The following CEMIP variants were observed in gnomAD, a reference collection of about 807,000 sequenced individuals.
CEMIP encodes the protein cell migration-inducing and hyaluronan-binding protein.
Under a neutral mutation model 156.9 loss-of-function variants are expected in CEMIP, and 105 were observed. The ratio of observed to expected loss-of-function variants is 0.67; its 90% CI spans 0.57 to 0.79. CEMIP has a LOEUF of 0.79. Ranked by LOEUF, CEMIP falls within the 30% of genes least tolerant of loss-of-function variation. CEMIP has a pLI of 0.00. For missense variants in CEMIP, 1,457 were observed against 1,769.4 expected, an observed-to-expected ratio of 0.82 and a Z score of 3.17; for synonymous variants, 676 against 668.4, an observed-to-expected ratio of 1.01 and a Z score of -0.17.
At chr15:80,941,273 G>A (rs942481762) in intron 25 of CEMIP, among the ~76,000 whole-genome samples, 14 of 152,134 alleles carry the variant, frequency 9.2e-5, no homozygotes, top group Non-Finnish European at 1.6e-4. Context: ...TGAATCCCAA[G>A]TTAGTACTGT....
At chr15:80,853,266 A>G (rs1235596941) in intron 1 of CEMIP, among the ~76,000 whole-genome samples, 1 of 152,166 alleles carries the variant, frequency 6.6e-6, no homozygotes, top group East Asian at 1.9e-4. Flanking sequence ...AAGGGGGGAA[A>G]AGCATGGGGT....
At chr15:80,917,641 G>A (rs970065498) in intron 14 of CEMIP, among the ~76,000 whole-genome samples, 3 of 152,188 alleles carry the variant, frequency 2.0e-5, no homozygotes, top group African/African-American at 7.2e-5. Flanking sequence ...TAAAGATGAA[G>A]GGAAGGATGT....
rs954415834 is a variant in CEMIP at position 80,951,128 on chromosome 15, C to G, written c.*2204C>G. 6.6e-6 allele frequency: 1 copy of G among 152,670 alleles called. No homozygotes were observed. Among genetic ancestry groups the G allele is most frequent in the Non-Finnish European group, 1.5e-5 (1 of 68,060 alleles). The allele number at this position is 152,670 out of a possible 1,614,324, so 9.5% of individuals were successfully genotyped here. ...AGGAGAGTTAAAATGACCTCATGTC[C>G]TTCTTGTCCACGGTTTTGTTGAGTT... On this transcript the variant is annotated 3_prime_UTR_variant, in exon 30 of 30. Transcript: ENST00000394685.
At chr15:80,846,942 T>C (rs1265816458) in intron 1 of CEMIP, among the ~76,000 whole-genome samples, 2 of 152,320 alleles carry the variant, frequency 1.3e-5, no homozygotes, top group East Asian at 3.9e-4. Flanking sequence ...AAGTCCAGGG[T>C]TCCATCCCAG....
intron 10 of CEMIP, 128 bp from the exon 11 acceptor site, chr15:80,894,862 C>T (rs1899158364): frequency 9.0e-7 from 1 of 1,112,766 alleles, no homozygotes; most frequent in East Asian, 2.4e-5. Flanking sequence ...TCATCTCGGG[C>T]CGTTGTAAAT....
At chr15:80,855,596 C>T (rs2141751102) in intron 1 of CEMIP, among the ~76,000 whole-genome samples, 1 of 152,088 alleles carries the variant, frequency 6.6e-6, no homozygotes, top group South Asian at 2.1e-4. Flanking sequence ...CAACTTCTGC[C>T]TCCTGGGTTC....
intron 1 of CEMIP, among the ~76,000 whole-genome samples, chr15:80,859,780 A>G (rs953171430): frequency 1.3e-5 from 2 of 152,226 alleles, no homozygotes; most frequent in Admixed American, 1.3e-4. Flanking sequence ...GGGATAGTGG[A>G]GGGAAAAAGC....
At chr15:80,862,511 TC>T (rs760376733) in intron 1 of CEMIP, among the ~76,000 whole-genome samples, 6 of 152,198 alleles carry the variant, frequency 3.9e-5, no homozygotes, top group Non-Finnish European at 8.8e-5. Flanking sequence ...AATGAACCTC[TC>T]TGTCAGCCTC....
At chr15:80,877,063 G>A (rs2141819060) in intron 3 of CEMIP, among the ~76,000 whole-genome samples, 1 of 152,252 alleles carries the variant, frequency 6.6e-6, no homozygotes, top group South Asian at 2.1e-4. Context: ...CGAAGTGAAA[G>A]GCGATTCCCC....
intron 1 of CEMIP, among the ~76,000 whole-genome samples, chr15:80,798,343 A>T (rs541602297): frequency 1.3e-5 from 2 of 152,360 alleles, no homozygotes; most frequent in Middle Eastern, 6.9e-3. Context: ...ATAAAATAAC[A>T]TCAAATTTTT....
intron 1 of CEMIP, among the ~76,000 whole-genome samples, chr15:80,784,078 A>G (rs1343855438): frequency 1.3e-5 from 2 of 152,198 alleles, no homozygotes; most frequent in Admixed American, 6.5e-5. Flanking sequence ...TGCTCAGAGC[A>G]AGGAGCTGGA....
intron 21 of CEMIP, 25 bp downstream of exon 21, chr15:80,929,199 T>C (rs763056399): frequency 6.2e-7 from 1 of 1,614,120 alleles, no homozygotes; most frequent in Non-Finnish European, 8.5e-7. Flanking sequence ...ATGTAGCTCC[T>C]TATTCTGAGT....
intron 1 of CEMIP, among the ~76,000 whole-genome samples, chr15:80,823,040 C>T (rs1039520008): frequency 5.3e-5 from 8 of 152,214 alleles, no homozygotes; most frequent in Admixed American, 1.3e-4. Context: ...TCTGGGCATC[C>T]GCTATTTTGC....
At chr15:80,917,111 G>A (rs766681000) in intron 14 of CEMIP, among the ~76,000 whole-genome samples, 1 of 152,106 alleles carries the variant, frequency 6.6e-6, no homozygotes, top group South Asian at 2.1e-4. Context: ...AATAAACAGC[G>A]GTCATTTTTC....
chr15:80,827,590 G>A (rs1443338478), intron 1 of CEMIP, among the ~76,000 whole-genome samples: 1 of 152,156 alleles, frequency 6.6e-6, no homozygotes, highest in Non-Finnish European at 1.5e-5. Context: ...CTGTACTCCA[G>A]CCTGGGAGAC....
intron 1 of CEMIP, among the ~76,000 whole-genome samples, chr15:80,871,747 AGGGTTCT>A (rs1371239235): frequency 3.9e-5 from 6 of 152,212 alleles, no homozygotes; most frequent in Non-Finnish European, 7.3e-5. Flanking sequence ...ACCTGAGACC[AGGGTTCT>A]GGCTTTTCCA....
At position 80,873,606 on chromosome 15, in the gene CEMIP, C is replaced by G. The variant is rs1898366644; in HGVS notation, c.-107C>G. On this transcript the variant is annotated 5_prime_UTR_variant, in exon 2 of 30. Coordinates refer to ENST00000394685, the MANE Select transcript of CEMIP (RefSeq NM_001293298.2). ...GATGAAATTCCACCCATCACTCGGT[C>G]TCTGAGCTGCAGGACACAGGCAGGA... 2.1e-6 allele frequency: 1 copy of G among 472,308 alleles called. No homozygotes were observed. The highest frequency in any genetic ancestry group is 3.5e-5 in the Admixed American group (1 of 28,908). 29.3% of individuals were successfully genotyped at this position (472,308 alleles called of 1,614,324 possible).
intron 1 of CEMIP, among the ~76,000 whole-genome samples, chr15:80,789,378 G>A (rs1011447629): frequency 6.6e-6 from 1 of 152,162 alleles, no homozygotes; most frequent in African/African-American, 2.4e-5. Flanking sequence ...GAGAGGGCAG[G>A]AATTGTGGTG....
intron 1 of CEMIP, among the ~76,000 whole-genome samples, chr15:80,856,160 G>A (rs1897848548): frequency 6.6e-6 from 1 of 152,226 alleles, no homozygotes; most frequent in South Asian, 2.1e-4. Flanking sequence ...TTTCTGGGGT[G>A]ATGATAATGT....
Sources: gnomAD v4.1 joint callset for allele counts (sites outside exome capture counted in the v4.1 genomes callset) on GRCh38, gnomAD v4.1.1 for gene constraint, MANE v1.5 for transcripts, NCBI Gene and HGNC (gene_info 2026-07-23, HGNC 2026-07-21) for gene names.